The following ZNF280D variants were observed in gnomAD, a reference collection of about 807,000 sequenced individuals.
The protein encoded by ZNF280D is zinc finger protein 280D.
A neutral mutation model predicts 94.7 loss-of-function variants in ZNF280D; 39 were observed. The ratio of observed to expected loss-of-function variants is 0.41; its 90% CI spans 0.32 to 0.54. The LOEUF is 0.54. Ranked by LOEUF, ZNF280D falls within the 20% of genes least tolerant of loss-of-function variation. The probability of loss-of-function intolerance (pLI) is 0.22; values close to 1 mark genes in which losing one functional copy is unlikely to be tolerated. For missense variants in ZNF280D, 1,090 were observed against 1,149.3 expected, an observed-to-expected ratio of 0.95 and a Z score of 0.75; for synonymous variants, 398 against 377.6, an observed-to-expected ratio of 1.05 and a Z score of -0.63.
At chr15:56,721,770 T>C (rs547828528) in intron 1 of ZNF280D, among the ~76,000 whole-genome samples, 3 of 152,326 alleles carry the variant, frequency 2.0e-5, no homozygotes, top group South Asian at 2.1e-4. Flanking sequence ...GCCAGACCAT[T>C]ACAACTTCCT....
At chr15:56,664,126 G>C (rs1250611135) in intron 16 of ZNF280D, among the ~76,000 whole-genome samples, 2 of 152,112 alleles carry the variant, frequency 1.3e-5, no homozygotes, top group African/African-American at 4.8e-5. Flanking sequence ...ATACTCTAAA[G>C]AAGTCACAGA....
At chr15:56,642,492 T>TAG (rs2052677408) in intron 20 of ZNF280D, among the ~76,000 whole-genome samples, 1 of 151,838 alleles carries the variant, frequency 6.6e-6, no homozygotes, top group Non-Finnish European at 1.5e-5. Flanking sequence ...ATTTATATGA[T>TAG]AATTCTGAGT....
chr15:56,719,247 A>T, intron 1 of ZNF280D, among the ~76,000 whole-genome samples: 1 of 152,158 alleles, frequency 6.6e-6, no homozygotes, highest in Admixed American at 6.6e-5. Flanking sequence ...TGGAAGAGAC[A>T]AATCCCTCAC....
At chr15:56,733,116 G>T (rs1329664207) in intron 1 of ZNF280D, 1 of 152,952 alleles carries the variant, frequency 6.5e-6, no homozygotes, top group Non-Finnish European at 1.5e-5. Flanking sequence ...TGCCTCCAGA[G>T]AGAAAAGCCA....
intron 4 of ZNF280D, among the ~76,000 whole-genome samples, chr15:56,703,594 C>T (rs1165399688): frequency 6.6e-6 from 1 of 152,154 alleles, no homozygotes; most frequent in African/African-American, 2.4e-5. Context: ...TGACTCACAC[C>T]TGTAATTTTA....
At chr15:56,647,130 G>A (rs1371373059) in intron 19 of ZNF280D, among the ~76,000 whole-genome samples, 1 of 152,194 alleles carries the variant, frequency 6.6e-6, no homozygotes, top group Non-Finnish European at 1.5e-5. Context: ...CCAAATTTGT[G>A]CATCAGAAAG....
rs558077711 is a variant in ZNF280D at position 56,697,439 on chromosome 15, C to T, written c.381+3494G>A. ...ACCTCAGGTGATCCACTCGCCTCGG[C>T]CTCCCAAAGTGCTGGGACTACAGGC... On this transcript the variant is annotated intron_variant, in intron 6 of 21. Transcript: ENST00000267807. Among the ~76,000 whole-genome samples, 28 of 152,338 alleles carry T rather than the reference C, an allele frequency of 1.8e-4. No homozygotes were observed. The South Asian group carries it at 1.9e-3, about 10-fold the overall frequency.
intron 10 of ZNF280D, among the ~76,000 whole-genome samples, chr15:56,680,446 G>C (rs1432320448): frequency 1.3e-5 from 2 of 152,020 alleles, no homozygotes; most frequent in Non-Finnish European, 2.9e-5. Context: ...TACGTAGCTA[G>C]TCTTCATAAA....
In ZNF280D at chr15:56,733,243, C is replaced by G. The variant is rs551782129; in HGVS notation, c.-86+215G>C. ...CAGCCGAGGCGGCTGCCGCGTCGCG[C>G]CGGGATACCTCCTCCCCCGCCTGGG... is the stretch of plus-strand genomic sequence containing the variant. On this transcript the variant is annotated intron_variant, in intron 1 of 21. Coordinates refer to ENST00000267807, the MANE Select transcript of ZNF280D (RefSeq NM_017661.4). Among the ~76,000 whole-genome samples the G allele has an allele frequency of 2.3e-3, 344 of 152,080 alleles. 1 individual carries two copies. The highest frequency in any genetic ancestry group is 3.9e-3 in the Non-Finnish European group (265 of 67,912).
chr15:56,659,636 G>A (rs1014232118), intron 16 of ZNF280D, among the ~76,000 whole-genome samples: 3 of 151,930 alleles, frequency 2.0e-5, no homozygotes, highest in East Asian at 1.9e-4. Context: ...GCGTTCACTG[G>A]GGGGTCTTGG....
intron 1 of ZNF280D, among the ~76,000 whole-genome samples, chr15:56,724,005 C>G (rs1481499371): frequency 1.3e-5 from 2 of 152,088 alleles, no homozygotes; most frequent in Non-Finnish European, 2.9e-5. Context: ...CAGTTGTTTA[C>G]CCTCATGATC....
intron 16 of ZNF280D, among the ~76,000 whole-genome samples, chr15:56,662,884 G>A (rs2054040779): frequency 6.8e-6 from 1 of 147,526 alleles, no homozygotes; most frequent in Non-Finnish European, 1.5e-5. Context: ...TTCAAAGAAA[G>A]TAACGGCTGT....
Position 56,707,251 on chromosome 15 carries a change from C to A in ZNF280D, c.-42+12G>T. ...ACAAATTATTGGATGTAAGGTTAAC[C>A]TCTAAACTCACCATGTGACTCCAGA... is the stretch of plus-strand genomic sequence containing the variant. On this transcript the variant is annotated intron_variant, in intron 2 of 21. Transcript: ENST00000267807. 1 of 1,556,178 alleles carries A rather than the reference C, an allele frequency of 6.4e-7. No individual in the cohort carries two copies. The highest frequency in any genetic ancestry group is 2.4e-5 in the East Asian group (1 of 42,158).
intron 13 of ZNF280D, among the ~76,000 whole-genome samples, chr15:56,675,071 C>G (rs546513269): frequency 6.6e-6 from 1 of 151,862 alleles, no homozygotes; most frequent in Non-Finnish European, 1.5e-5. Flanking sequence ...AATAGACTGC[C>G]CCCTCTTTAC....
chr15:56,709,051 T>G (rs1168912450), intron 1 of ZNF280D, among the ~76,000 whole-genome samples: 2 of 152,018 alleles, frequency 1.3e-5, no homozygotes, highest in East Asian at 3.8e-4. Context: ...CAAAAGAAAC[T>G]ACCATCAGAG....
chr15:56,689,561 T>C, intron 7 of ZNF280D, 91 bp from the exon 8 acceptor site: 1 of 812,896 alleles, frequency 1.2e-6, no homozygotes, highest in South Asian at 3.0e-5. Context: ...AAATTAAAGG[T>C]AATATAATTG....
chr15:56,648,733 G>A (rs1325063781), intron 19 of ZNF280D, among the ~76,000 whole-genome samples: 2 of 152,142 alleles, frequency 1.3e-5, no homozygotes, highest in African/African-American at 4.8e-5. Flanking sequence ...TTAGAAAAGT[G>A]TCTGCCACAC....
chr15:56,633,586 G>A (rs1037374656), intron 21 of ZNF280D, among the ~76,000 whole-genome samples: 23 of 152,020 alleles, frequency 1.5e-4, no homozygotes, highest in African/African-American at 4.6e-4. Context: ...TGCCTCCCGG[G>A]TTCAGGTGAT....
At chr15:56,657,637 C>A (rs1322283778) in intron 17 of ZNF280D, among the ~76,000 whole-genome samples, 1 of 152,032 alleles carries the variant, frequency 6.6e-6, no homozygotes, top group Non-Finnish European at 1.5e-5. Context: ...ACCCTAATAT[C>A]AGGTTTAAAA....
Sources: allele counts gnomAD v4.1 joint callset (sites outside exome capture counted in the v4.1 genomes callset), GRCh38; gene constraint gnomAD v4.1.1; transcripts MANE v1.5; gene names NCBI Gene and HGNC (gene_info 2026-07-23, HGNC 2026-07-21).